TENM3: variants seen among roughly 807,000 people sequenced by gnomAD.
TENM3 encodes teneurin-3.
In TENM3, 63 loss-of-function variants were observed where a neutral mutation model predicts 255.1. The ratio of observed to expected loss-of-function variants is 0.25; its 90% CI spans 0.20 to 0.30. The LOEUF (loss-of-function observed/expected upper bound fraction) is 0.30. TENM3 is among the 10% of genes least tolerant of loss of function. TENM3 has a pLI of 1.00. For missense variants in TENM3, 2,929 were observed against 3,461.1 expected (o/e 0.85, Z 3.86); for synonymous variants, 1,306 against 1,322.3 (o/e 0.99, Z 0.27).
the TENM3 span, among the ~76,000 whole-genome samples, chr4:182,133,601 C>A: frequency 1.3e-5 from 2 of 152,096 alleles, no homozygotes; most frequent in Admixed American, 1.3e-4. Flanking sequence ...TATTAAAATA[C>A]ATAGAAAATG....
the TENM3 span, among the ~76,000 whole-genome samples, chr4:181,947,960 A>G: frequency 6.6e-6 from 1 of 152,112 alleles, no homozygotes; most frequent in Admixed American, 6.5e-5. Flanking sequence ...AGTATATCAC[A>G]CTTTTTCCAT....
upstream of TENM3, among the ~76,000 whole-genome samples, chr4:182,140,230 A>T (rs2149531062): frequency 6.6e-6 from 1 of 152,284 alleles, no homozygotes; most frequent in African/African-American, 2.4e-5. Flanking sequence ...TAAGGGAAAC[A>T]CCTCAGGTGC....
chr4:182,039,605 C>T, the TENM3 span, among the ~76,000 whole-genome samples: 1 of 152,056 alleles, frequency 6.6e-6, no homozygotes, highest in African/African-American at 2.4e-5. Flanking sequence ...GATACTATAA[C>T]ATATCTGTAG....
intron 2 of TENM3, among the ~76,000 whole-genome samples, chr4:182,341,523 G>A (rs1764486868): frequency 6.6e-6 from 1 of 152,102 alleles, no homozygotes; most frequent in Admixed American, 6.6e-5. Flanking sequence ...CCGAAGACAT[G>A]GGTCCAACTC....
At chr4:182,211,416 A>G (rs1439280645) in intron 1 of TENM3, among the ~76,000 whole-genome samples, 2 of 152,164 alleles carry the variant, frequency 1.3e-5, no homozygotes, top group South Asian at 2.1e-4. Flanking sequence ...TATGTCTTCT[A>G]TTTATGCGGT....
At chr4:181,968,645 A>G in the TENM3 span, among the ~76,000 whole-genome samples, 1 of 152,182 alleles carries the variant, frequency 6.6e-6, no homozygotes, top group East Asian at 1.9e-4. Context: ...GAATCATGTT[A>G]CCTATAGTTC....
At chr4:181,969,700 C>T in the TENM3 span, among the ~76,000 whole-genome samples, 47 of 152,268 alleles carry the variant, frequency 3.1e-4, no homozygotes, top group African/African-American at 9.6e-4. Flanking sequence ...TGAGATCCAT[C>T]GTGTTAACGT....
At chr4:181,752,288 G>C in the TENM3 span, among the ~76,000 whole-genome samples, 1 of 152,064 alleles carries the variant, frequency 6.6e-6, no homozygotes, top group South Asian at 2.1e-4. Flanking sequence ...GGTATCTTTC[G>C]CCTGTAATCC....
chr4:182,627,972 A>T (rs944754607), intron 4 of TENM3, among the ~76,000 whole-genome samples: 1 of 152,154 alleles, frequency 6.6e-6, no homozygotes, highest in African/African-American at 2.4e-5. Context: ...GTTTGGTGTT[A>T]GAAGATGTTC....
the TENM3 span, among the ~76,000 whole-genome samples, chr4:181,988,566 A>T: frequency 6.6e-6 from 1 of 152,154 alleles, no homozygotes; most frequent in Non-Finnish European, 1.5e-5. Context: ...ACCTAATATT[A>T]GTTGAATGCA....
chr4:181,731,763 C>T, the TENM3 span, among the ~76,000 whole-genome samples: 1 of 152,172 alleles, frequency 6.6e-6, no homozygotes, highest in Non-Finnish European at 1.5e-5. Context: ...TGTCTTTGCT[C>T]AGCATACACA....
the TENM3 span, among the ~76,000 whole-genome samples, chr4:182,102,785 C>G: frequency 6.6e-6 from 1 of 152,138 alleles, no homozygotes; most frequent in Non-Finnish European, 1.5e-5. Flanking sequence ...GCTTCAGTCT[C>G]CTTACCTATA....
At chr4:181,584,000 A>G in the TENM3 span, among the ~76,000 whole-genome samples, 1 of 152,160 alleles carries the variant, frequency 6.6e-6, no homozygotes, top group Non-Finnish European at 1.5e-5. Context: ...GTTGATTAAG[A>G]TCTGTATTCC....
the TENM3 span, among the ~76,000 whole-genome samples, chr4:181,527,438 G>A: frequency 0.13 from 20,205 of 151,606 alleles, 1,757 homozygotes; most frequent in Non-Finnish European, 0.19. Flanking sequence ...GCTTGATCTC[G>A]GCTCTCTGCA....
the TENM3 span, among the ~76,000 whole-genome samples, chr4:181,900,733 C>T: frequency 3.9e-5 from 6 of 152,208 alleles, no homozygotes; most frequent in South Asian, 2.1e-4. Context: ...AATAGGCTTC[C>T]GTCTTTCTCC....
chr4:182,383,369 C>T (rs1767697291), intron 3 of TENM3, among the ~76,000 whole-genome samples: 1 of 151,978 alleles, frequency 6.6e-6, no homozygotes, highest in Admixed American at 6.5e-5. Flanking sequence ...AAGGTGGAGG[C>T]CTAGTCAAAC....
At chr4:182,472,755 T>G (rs759697011) in intron 3 of TENM3, among the ~76,000 whole-genome samples, 2 of 152,210 alleles carry the variant, frequency 1.3e-5, no homozygotes, top group Non-Finnish European at 2.9e-5. Context: ...CTCGTTCTGT[T>G]GCTAGGCTGG....
chr4:181,654,622 C>T, the TENM3 span, among the ~76,000 whole-genome samples: 4 of 151,784 alleles, frequency 2.6e-5, no homozygotes, highest in Non-Finnish European at 4.4e-5. Flanking sequence ...GGCATGGTGG[C>T]GGGTGCCTGT....
the TENM3 span, among the ~76,000 whole-genome samples, chr4:182,106,552 C>T: frequency 6.6e-6 from 1 of 152,170 alleles, no homozygotes. Context: ...GGCCATCAAA[C>T]TAAATGTCCT....
Sources: gnomAD v4.1 joint callset for allele counts (sites outside exome capture counted in the v4.1 genomes callset) on GRCh38, gnomAD v4.1.1 for gene constraint, MANE v1.5 for transcripts, NCBI Gene and HGNC (gene_info 2026-07-23, HGNC 2026-07-21) for gene names.